CTNNA2: variants seen among roughly 807,000 people sequenced by gnomAD.
The protein encoded by CTNNA2 is catenin alpha-2.
In CTNNA2, 42 loss-of-function variants were observed where a neutral mutation model predicts 101.0. The observed-to-expected ratio is 0.42, with a 90% CI of 0.32 to 0.54. CTNNA2 has a LOEUF of 0.54. Among genes scored for constraint, CTNNA2 ranks in the 20% least tolerant of loss-of-function variants. The probability of loss-of-function intolerance (pLI) is 0.14; values close to 1 mark genes in which losing one functional copy is unlikely to be tolerated. For synonymous variants in CTNNA2, 450 were observed against 456.4 expected (o/e 0.99, Z 0.18); for missense variants, 871 against 1,223.1 (o/e 0.71, Z 4.29).
intron 3 of CTNNA2, among the ~76,000 whole-genome samples, chr2:79,324,874 T>C (rs995352353): frequency 6.6e-6 from 1 of 152,088 alleles, no homozygotes; most frequent in African/African-American, 2.4e-5. Context: ...AAAACCGTAT[T>C]TAACACTACC....
intron 7 of CTNNA2, among the ~76,000 whole-genome samples, chr2:80,320,673 C>T (rs1218764242): frequency 6.6e-6 from 1 of 152,116 alleles, no homozygotes; most frequent in Non-Finnish European, 1.5e-5. Context: ...TAATATCTTG[C>T]CACTTTAGCA....
intron 2 of CTNNA2, among the ~76,000 whole-genome samples, chr2:79,234,948 T>G (rs1034397151): frequency 1.3e-5 from 2 of 152,180 alleles, no homozygotes. Context: ...ACTGGATTCC[T>G]TGGATTGGGT....
At chr2:80,371,358 A>G (rs1329499485) in intron 7 of CTNNA2, among the ~76,000 whole-genome samples, 1 of 152,210 alleles carries the variant, frequency 6.6e-6, no homozygotes, top group Non-Finnish European at 1.5e-5. Flanking sequence ...AATATGTATC[A>G]GATGTCAACT....
intron 1 of CTNNA2, among the ~76,000 whole-genome samples, chr2:79,561,887 A>G (rs977313533): frequency 2.6e-5 from 4 of 151,418 alleles, no homozygotes; most frequent in African/African-American, 7.3e-5. Context: ...ATTTGAAAAA[A>G]TTTTCTTCCA....
chr2:80,050,128 C>T (rs912097356), intron 7 of CTNNA2, among the ~76,000 whole-genome samples: 1 of 152,090 alleles, frequency 6.6e-6, no homozygotes, highest in African/African-American at 2.4e-5. Flanking sequence ...ATTGACAAGC[C>T]ATTTGTCCCT....
At chr2:80,034,380 G>A (rs1204685765) in intron 7 of CTNNA2, among the ~76,000 whole-genome samples, 1 of 137,384 alleles carries the variant, frequency 7.3e-6, no homozygotes, top group East Asian at 2.1e-4. Context: ...TTGATACGGA[G>A]TCTCGCTCTG....
intron 1 of CTNNA2, among the ~76,000 whole-genome samples, chr2:79,628,448 C>CAA (rs113543784): frequency 6.6e-5 from 8 of 121,204 alleles, no homozygotes; most frequent in Middle Eastern, 4.5e-3. Context: ...ATGAGACTGT[C>CAA]AAAAAAAAAA....
rs139339834 is a variant in CTNNA2 at position 80,142,293 on chromosome 2, C to T, written c.1056+232496C>T. Among the ~76,000 whole-genome samples the T allele has an allele frequency of 9.2e-5, 14 of 152,280 alleles. No individual in the cohort carries two copies. The East Asian group carries it at 2.7e-3, about 29-fold the overall frequency. ...GTCATTGGGAAGTTGGAGTCTTCAG[C>T]GTTAGCTGCTCACCTCTTCTTGCTT... On this transcript the variant is annotated intron_variant, in intron 7 of 18. Coordinates refer to ENST00000402739, the MANE Select transcript of CTNNA2 (RefSeq NM_001282597.3).
intron 3 of CTNNA2, among the ~76,000 whole-genome samples, chr2:79,789,875 G>T (rs904994085): frequency 6.6e-6 from 1 of 152,080 alleles, no homozygotes; most frequent in Non-Finnish European, 1.5e-5. Context: ...TCTGGGGAGA[G>T]GCCTCCATAG....
chr2:79,747,381 A>T (rs966136979), intron 3 of CTNNA2, among the ~76,000 whole-genome samples: 3 of 152,128 alleles, frequency 2.0e-5, no homozygotes, highest in Admixed American at 1.3e-4. Context: ...CTGCCATATA[A>T]TAAACTGTAT....
intron 7 of CTNNA2, among the ~76,000 whole-genome samples, chr2:80,280,195 A>G (rs564194269): frequency 6.7e-6 from 1 of 149,440 alleles, no homozygotes; most frequent in South Asian, 2.2e-4. Context: ...AATTATTATT[A>G]TTGGCACCAG....
chr2:80,527,429 G>A (rs555404375), intron 9 of CTNNA2, among the ~76,000 whole-genome samples: 7 of 152,190 alleles, frequency 4.6e-5, no homozygotes, highest in Non-Finnish European at 8.8e-5. Flanking sequence ...CTGTGTATCC[G>A]GGGTGAGGCC....
chr2:80,522,859 GTC>G (rs1262164708), intron 9 of CTNNA2, among the ~76,000 whole-genome samples: 5 of 152,172 alleles, frequency 3.3e-5, no homozygotes, highest in Non-Finnish European at 5.9e-5. Context: ...TCTCAGGTAT[GTC>G]TTTGTAGCAG....
At chr2:80,623,048 TAAAA>T (rs367889797) in intron 18 of CTNNA2, among the ~76,000 whole-genome samples, 8 of 121,598 alleles carry the variant, frequency 6.6e-5, no homozygotes, top group South Asian at 2.8e-4. Flanking sequence ...CGCTAGTTTC[TAAAA>T]AAAAAAAAAA....
At chr2:79,216,686 G>C (rs1674265201) in intron 2 of CTNNA2, among the ~76,000 whole-genome samples, 1 of 150,910 alleles carries the variant, frequency 6.6e-6, no homozygotes, top group Non-Finnish European at 1.5e-5. Context: ...TGTGGCTAAG[G>C]GTGAAGGAGA....
At chr2:80,493,783 A>G (rs1375089965) in intron 9 of CTNNA2, among the ~76,000 whole-genome samples, 1 of 152,228 alleles carries the variant, frequency 6.6e-6, no homozygotes, top group Non-Finnish European at 1.5e-5. Context: ...GTAATCACAG[A>G]GTAGCTGCTG....
chr2:79,964,861 G>A (rs1256210538), intron 7 of CTNNA2, among the ~76,000 whole-genome samples: 1 of 152,062 alleles, frequency 6.6e-6, no homozygotes, highest in South Asian at 2.1e-4. Flanking sequence ...GATAACCCAG[G>A]GATCCCCTTT....
At chr2:79,965,753 G>A (rs1689994109) in intron 7 of CTNNA2, among the ~76,000 whole-genome samples, 1 of 147,380 alleles carries the variant, frequency 6.8e-6, no homozygotes, top group Admixed American at 6.9e-5. Context: ...GACGCTAGGA[G>A]GCAGAGGTTG....
At chr2:79,371,188 T>C (rs1420897056) in intron 3 of CTNNA2, among the ~76,000 whole-genome samples, 1 of 151,882 alleles carries the variant, frequency 6.6e-6, no homozygotes, top group Non-Finnish European at 1.5e-5. Context: ...TATTAGACAA[T>C]ACTGGTGAAA....
Sources: gnomAD v4.1 joint callset for allele counts (sites outside exome capture counted in the v4.1 genomes callset) on GRCh38, gnomAD v4.1.1 for gene constraint, MANE v1.5 for transcripts, NCBI Gene and HGNC (gene_info 2026-07-23, HGNC 2026-07-21) for gene names.